Variants in CTSC observed in about 807,000 individuals in gnomAD.
The protein encoded by CTSC is dipeptidyl peptidase 1.
CTSC carries 37 observed loss-of-function variants against 40.9 expected under a neutral mutation model. The observed-to-expected ratio is 0.91, with a 90% CI of 0.70 to 1.19. CTSC has a LOEUF of 1.19. Among genes scored for constraint, CTSC ranks in the 50% most tolerant of loss-of-function variants. The pLI, the probability that CTSC is intolerant of heterozygous loss-of-function variation, is 0.00. For missense variants in CTSC, 594 were observed against 567.3 expected (o/e 1.05, Z -0.48); for synonymous variants, 232 against 207.4 (o/e 1.12, Z -1.02).
chr11:88,333,104 C>G (rs1391881561), intron 2 of CTSC, among the ~76,000 whole-genome samples: 1 of 152,166 alleles, frequency 6.6e-6, no homozygotes. Flanking sequence ...CTTTGGACTA[C>G]TATTTAAGCT....
intron 2 of CTSC, among the ~76,000 whole-genome samples, chr11:88,318,622 T>G (rs556864398): frequency 6.6e-6 from 1 of 152,140 alleles, no homozygotes; most frequent in Non-Finnish European, 1.5e-5. Context: ...AAAAATACAA[T>G]TGGCCAGGCG....
intron 5 of CTSC, chr11:88,299,505 T>G (rs769386391): frequency 5.9e-5 from 9 of 152,174 alleles, no homozygotes; most frequent in Non-Finnish European, 1.3e-4. Flanking sequence ...GAAATGTTGC[T>G]GACTGGCTGT....
intron 2 of CTSC, chr11:88,322,188 C>T (rs955670422): frequency 2.0e-5 from 3 of 152,130 alleles, no homozygotes; most frequent in African/African-American, 7.2e-5. Flanking sequence ...TTCTCCCATT[C>T]TGTTGGTTGC....
chr11:88,337,730 TAGCG>T lies in CTSC; in HGVS notation c.-62_-59del, dbSNP rs1565269216. On this transcript the variant is annotated 5_prime_UTR_variant, in exon 1 of 7. Transcript: ENST00000227266. ...TACCAGGAAGCCGAGCGCTGCGGGC[TAGCG>T]GTGAGTCCACCACGAGGCGCGCGCC... 1 of 1,540,784 alleles carries T rather than the reference TAGCG, an allele frequency of 6.5e-7. No individual in the cohort carries two copies. Among genetic ancestry groups the T allele is most frequent in the Non-Finnish European group, 8.8e-7 (1 of 1,140,080 alleles).
rs539031519 is a variant in CTSC, at chr11:88,335,920, T to C, written c.173-838A>G. Among the ~76,000 whole-genome samples the C allele has an allele frequency of 5.3e-5, 8 of 152,286 alleles. No homozygotes were observed. The South Asian group carries it at 1.7e-3, about 32-fold the overall frequency. Reference sequence around the variant, plus strand: ...AAAGGCTCTACAGTTTAGAACCTCATAATCTGAATCCTTCCAAAGTTTATT... The same window carrying C: ...AAAGGCTCTACAGTTTAGAACCTCACAATCTGAATCCTTCCAAAGTTTATT... On this transcript the variant is annotated intron_variant, in intron 1 of 6. Transcript: ENST00000227266.
In CTSC at chr11:88,307,409, A is replaced by T. The variant is rs547382945; in HGVS notation, c.641+1754T>A. 1.8e-3 allele frequency among the ~76,000 whole-genome samples: 279 copies of T among 151,864 alleles called. 2 individuals are homozygous for T. The highest frequency in any genetic ancestry group is 6.6e-3 in the African/African-American group (275 of 41,396). ...ATCCAGCTATACTTTCAGAAAAATA[A>T]TTTTTTTTTAAATTATCTAAATTTC... On this transcript the variant is annotated intron_variant, in intron 4 of 6. Transcript: ENST00000227266.
intron 1 of CTSC, 136 bp downstream of exon 1, chr11:88,337,365 G>T: frequency 1.1e-6 from 1 of 886,952 alleles, no homozygotes; most frequent in Non-Finnish European, 1.8e-6. Flanking sequence ...GGTCCCCAAG[G>T]GTCCCCGAAT....
At chr11:88,333,719 T>G (rs1224745887) in intron 2 of CTSC, among the ~76,000 whole-genome samples, 1 of 152,214 alleles carries the variant, frequency 6.6e-6, no homozygotes, top group Non-Finnish European at 1.5e-5. Context: ...ATGCGTAGCA[T>G]CTGGAAATGA....
intron 3 of CTSC, 83 bp from the exon 4 acceptor site, chr11:88,309,401 C>T (rs747475103): frequency 2.5e-6 from 3 of 1,201,402 alleles, no homozygotes; most frequent in Non-Finnish European, 3.7e-6. Flanking sequence ...ACACTCTGTG[C>T]CTAAGTGGAA....
intron 2 of CTSC, among the ~76,000 whole-genome samples, chr11:88,316,228 A>G (rs907163176): frequency 1.3e-5 from 2 of 152,298 alleles, no homozygotes; most frequent in African/African-American, 2.4e-5. Context: ...TCAGGCCTAG[A>G]CTGCCTAGAC....
chr11:88,332,142 A>G (rs1938378337), intron 2 of CTSC, among the ~76,000 whole-genome samples: 1 of 152,230 alleles, frequency 6.6e-6, no homozygotes, highest in African/African-American at 2.4e-5. Flanking sequence ...CAACGATGGC[A>G]GGTAAGCATG....
At chr11:88,300,948 CA>C (rs1415421646) in intron 4 of CTSC, among the ~76,000 whole-genome samples, 1 of 152,044 alleles carries the variant, frequency 6.6e-6, no homozygotes, top group East Asian at 1.9e-4. Context: ...CATTCTTACT[CA>C]TTTTTGAAAG....
chr11:88,320,237 G>C (rs895397371), intron 2 of CTSC, among the ~76,000 whole-genome samples: 4 of 152,230 alleles, frequency 2.6e-5, no homozygotes, highest in African/African-American at 7.2e-5. Flanking sequence ...AAGTTTACAT[G>C]TGAAAATGGA....
intron 2 of CTSC, chr11:88,325,938 T>G: frequency 5.0e-6 from 5 of 990,758 alleles, no homozygotes; most frequent in Non-Finnish European, 6.0e-6. Flanking sequence ...CTCAAGGTAA[T>G]TAGAGAAAGG....
At chr11:88,316,475 C>CTCAA (rs1555029116) in intron 2 of CTSC, among the ~76,000 whole-genome samples, 3 of 145,022 alleles carry the variant, frequency 2.1e-5, no homozygotes, top group African/African-American at 7.6e-5. Flanking sequence ...GATCCATTCT[C>CTCAA]TAAATAAATA....
At chr11:88,295,724 TA>T (rs1055989244) in intron 6 of CTSC, among the ~76,000 whole-genome samples, 1 of 152,068 alleles carries the variant, frequency 6.6e-6, no homozygotes, top group Non-Finnish European at 1.5e-5. Flanking sequence ...AAACCAGTGT[TA>T]GTATAGTTTT....
At chr11:88,329,191 G>A (rs1029076015) in intron 2 of CTSC, among the ~76,000 whole-genome samples, 2 of 151,570 alleles carry the variant, frequency 1.3e-5, no homozygotes, top group Non-Finnish European at 2.9e-5. Context: ...AGGTTAGAAA[G>A]CCTATTCAGG....
At chr11:88,294,554 T>G in intron 6 of CTSC, 46 bp from the exon 7 acceptor site, 1 of 1,603,306 alleles carries the variant, frequency 6.2e-7, no homozygotes, top group Non-Finnish European at 8.5e-7. Flanking sequence ...AGAAAAAGGA[T>G]TATCCCATTT....
chr11:88,337,497 T>A lies in CTSC; in HGVS notation c.172+4A>T, dbSNP rs749606651. ...CCCGGAGGACTGCCGAGCCGGCGGC[T>A]TACCCATAACCGAGCAGTTGACATC... is the stretch of plus-strand genomic sequence containing the variant. On this transcript the variant is annotated splice_donor_region_variant and intron_variant, in intron 1 of 6. Coordinates refer to ENST00000227266, the MANE Select transcript of CTSC (RefSeq NM_001814.6). 5.1e-6 allele frequency: 8 copies of A among 1,569,192 alleles called. No individual in the cohort carries two copies. In the South Asian group the frequency reaches 9.3e-5, roughly 18 times the overall value.
Sources: allele counts gnomAD v4.1 joint callset (sites outside exome capture counted in the v4.1 genomes callset), GRCh38; gene constraint gnomAD v4.1.1; transcripts MANE v1.5; gene names NCBI Gene and HGNC (gene_info 2026-07-23, HGNC 2026-07-21).